UBXN7: variants seen among roughly 807,000 people sequenced by gnomAD.
UBXN7 encodes the protein UBX domain protein 7.
A neutral mutation model predicts 58.0 loss-of-function variants in UBXN7; 9 were observed. The ratio of observed to expected loss-of-function variants is 0.16; its 90% CI spans 0.09 to 0.27. The LOEUF (loss-of-function observed/expected upper bound fraction) is 0.27. Ranked by LOEUF, UBXN7 falls within the 10% of genes least tolerant of loss-of-function variation. The probability of loss-of-function intolerance (pLI) is 1.00; values close to 1 mark genes in which losing one functional copy is unlikely to be tolerated. For synonymous variants in UBXN7, 208 were observed against 205.0 expected, an observed-to-expected ratio of 1.01 and a Z score of -0.12; for missense variants, 328 against 599.6, an observed-to-expected ratio of 0.55 and a Z score of 4.73.
At chr3:196,392,449 G>A (rs1319973384) in intron 4 of UBXN7, among the ~76,000 whole-genome samples, 3 of 151,500 alleles carry the variant, frequency 2.0e-5, no homozygotes, top group African/African-American at 7.3e-5. Flanking sequence ...AGGTTGCAGT[G>A]AGCAGAGATC....
chr3:196,375,063 G>C (rs1728972792), intron 5 of UBXN7, among the ~76,000 whole-genome samples: 1 of 147,690 alleles, frequency 6.8e-6, no homozygotes, highest in Admixed American at 6.8e-5. Context: ...GGAAAAAGGA[G>C]AGGAAGAAAG....
intron 6 of UBXN7, among the ~76,000 whole-genome samples, chr3:196,370,381 G>A (rs1048840231): frequency 1.3e-5 from 2 of 151,054 alleles, no homozygotes; most frequent in East Asian, 3.9e-4. Context: ...AGCCTATAGG[G>A]GTTAGAGCCT....
At chr3:196,430,211 C>T (rs950700062) in intron 1 of UBXN7, among the ~76,000 whole-genome samples, 5 of 151,744 alleles carry the variant, frequency 3.3e-5, no homozygotes, top group Admixed American at 2.0e-4. Context: ...AAAAATTAGC[C>T]GGGCCTGGTG....
At chr3:196,376,581 A>G (rs1310017452) in intron 5 of UBXN7, among the ~76,000 whole-genome samples, 2 of 151,376 alleles carry the variant, frequency 1.3e-5, no homozygotes, top group Non-Finnish European at 2.9e-5. Flanking sequence ...AAAGAAAAGA[A>G]AAAGGAAAAA....
At chr3:196,404,199 CT>C (rs1038173705) in intron 2 of UBXN7, among the ~76,000 whole-genome samples, 4 of 151,580 alleles carry the variant, frequency 2.6e-5, no homozygotes, top group Non-Finnish European at 4.4e-5. Context: ...CATTATCTTC[CT>C]GCTTATAAGT....
intron 4 of UBXN7, among the ~76,000 whole-genome samples, chr3:196,392,406 G>A (rs1256819084): frequency 6.6e-6 from 1 of 152,058 alleles, no homozygotes; most frequent in Non-Finnish European, 1.5e-5. Flanking sequence ...TCGGGAGGCT[G>A]AGGCAGGAGA....
rs140065544 is a variant in UBXN7 at position 196,406,385 on chromosome 3, T to C, written c.221+861A>G. 5.4e-3 allele frequency among the ~76,000 whole-genome samples: 815 copies of C among 152,078 alleles called. 8 individuals carry two copies. Among genetic ancestry groups the C allele is most frequent in the Non-Finnish European group, 8.5e-3 (580 of 68,008 alleles). On this transcript the variant is annotated intron_variant, in intron 2 of 10. Transcript: ENST00000296328. ...ACTGATTTCTGTTAAGAGTTTGAGC[T>C]ATATTGGGAGCGAAATACATGGCCA...
intron 5 of UBXN7, 80 bp from the exon 6 acceptor site, chr3:196,372,122 T>A (rs924561388): frequency 6.9e-7 from 1 of 1,459,006 alleles, no homozygotes; most frequent in Non-Finnish European, 9.1e-7. Flanking sequence ...CAGAGGTTGT[T>A]GTCTTTCATT....
At chr3:196,419,004 G>T (rs990153655) in intron 1 of UBXN7, among the ~76,000 whole-genome samples, 1 of 152,168 alleles carries the variant, frequency 6.6e-6, no homozygotes, top group Non-Finnish European at 1.5e-5. Context: ...GGTGGCTCAC[G>T]CCTGTAATCC....
chr3:196,363,182 C>T (rs1728553219), intron 8 of UBXN7, among the ~76,000 whole-genome samples: 2 of 151,086 alleles, frequency 1.3e-5, no homozygotes, highest in South Asian at 2.1e-4. Flanking sequence ...GGATTACAGG[C>T]GTGAGACACC....
At chr3:196,429,329 A>G (rs1730949085) in intron 1 of UBXN7, among the ~76,000 whole-genome samples, 1 of 151,864 alleles carries the variant, frequency 6.6e-6, no homozygotes, top group South Asian at 2.1e-4. Flanking sequence ...TCCGTCTCAA[A>G]AAAAAAAAAA....
At chr3:196,356,891 G>C (rs764747462) in intron 10 of UBXN7, 45 bp from the exon 11 acceptor site, 1 of 1,578,506 alleles carries the variant, frequency 6.3e-7, no homozygotes, top group Admixed American at 2.0e-5. Context: ...GGAAAAAGAG[G>C]AAAGAGCATA....
At chr3:196,387,842 G>C (rs1729457401) in intron 5 of UBXN7, among the ~76,000 whole-genome samples, 1 of 152,070 alleles carries the variant, frequency 6.6e-6, no homozygotes, top group African/African-American at 2.4e-5. Context: ...TACACTGTTG[G>C]TGGGAGTGTA....
chr3:196,414,278 T>G (rs931912060), intron 1 of UBXN7, among the ~76,000 whole-genome samples: 5 of 152,210 alleles, frequency 3.3e-5, no homozygotes, highest in Non-Finnish European at 5.9e-5. Context: ...CATACGCCAC[T>G]GCACCCGGCC....
chr3:196,393,697 TA>T (rs1374125367), intron 3 of UBXN7, 78 bp from the exon 4 acceptor site: 1 of 1,416,934 alleles, frequency 7.1e-7, no homozygotes, highest in East Asian at 2.5e-5. Flanking sequence ...TATCTAAAAG[TA>T]TTTTTTTAAT....
Position 196,396,067 on chromosome 3 carries a change from G to A in UBXN7, c.290-2448C>T, listed in dbSNP as rs1195172256. Among the ~76,000 whole-genome samples the A allele has an allele frequency of 2.0e-5, 3 of 151,906 alleles. No individual in the cohort carries two copies. The East Asian group carries it at 5.8e-4, about 29-fold the overall frequency. ...AGGAGTGAGCTACTGAGCCTGGCCT[G>A]AATTTTATTTTTAATTTAAATATTG... On this transcript the variant is annotated intron_variant, in intron 3 of 10. Transcript: ENST00000296328.
At chr3:196,406,178 G>A (rs868757334) in intron 2 of UBXN7, among the ~76,000 whole-genome samples, 3 of 151,800 alleles carry the variant, frequency 2.0e-5, no homozygotes, top group South Asian at 4.2e-4. Flanking sequence ...GACTACAGTC[G>A]CGTACCACCA....
intron 5 of UBXN7, among the ~76,000 whole-genome samples, chr3:196,386,489 CCTT>C (rs1406051217): frequency 5.9e-5 from 9 of 151,812 alleles, no homozygotes; most frequent in Non-Finnish European, 8.8e-5. Context: ...CCCAAAACCT[CCTT>C]AAGCTGATAA....
chr3:196,365,530 G>T (rs981325959), intron 8 of UBXN7, among the ~76,000 whole-genome samples: 3 of 152,070 alleles, frequency 2.0e-5, no homozygotes, highest in African/African-American at 7.2e-5. Flanking sequence ...TTCCTGCCAA[G>T]CAGATGGGAC....
Sources: gnomAD v4.1 joint callset for allele counts (sites outside exome capture counted in the v4.1 genomes callset) on GRCh38, gnomAD v4.1.1 for gene constraint, MANE v1.5 for transcripts, NCBI Gene and HGNC (gene_info 2026-07-23, HGNC 2026-07-21) for gene names.